POFUT4: variants seen among roughly 807,000 people sequenced by gnomAD.
POFUT4 encodes the protein GDP-fucose protein O-fucosyltransferase 4.
chr10:73,772,531 G>A, the POFUT4 span: 1 of 1,567,256 alleles, frequency 6.4e-7, no homozygotes, highest in Non-Finnish European at 8.6e-7. Context: ...GGACGCCGCG[G>A]CCAGGGAGGG....
chr10:73,774,046 G>A, the POFUT4 span: 2 of 513,748 alleles, frequency 3.9e-6, no homozygotes, highest in South Asian at 6.2e-5. Flanking sequence ...TGTGAACAAT[G>A]TTTCCAGTAG....
chr10:73,772,620 T>G, the POFUT4 span: 1 of 1,561,520 alleles, frequency 6.4e-7, no homozygotes, highest in Middle Eastern at 1.7e-4. Context: ...TCGGAGCGCA[T>G]CGAGTGTGCG....
chr10:73,772,641 G>A, the POFUT4 span: 2 of 1,556,034 alleles, frequency 1.3e-6, no homozygotes, highest in East Asian at 4.8e-5. Flanking sequence ...CGCGGCGCGT[G>A]CGTGGCGTCC....
the POFUT4 span, chr10:73,776,148 C>T: frequency 6.5e-6 from 1 of 153,678 alleles, no homozygotes; most frequent in African/African-American, 2.4e-5. Flanking sequence ...GGTGGAGAAG[C>T]AAAACATTTG....
At chr10:73,778,401 A>G in the POFUT4 span, among the ~76,000 whole-genome samples, 1 of 151,108 alleles carries the variant, frequency 6.6e-6, no homozygotes, top group East Asian at 2.0e-4. Context: ...CAAAAAAAAA[A>G]AAAAAAAAAA....
the POFUT4 span, chr10:73,774,992 A>C: frequency 5.5e-6 from 1 of 181,816 alleles, no homozygotes; most frequent in Non-Finnish European, 1.2e-5. Flanking sequence ...GATGGTTGGA[A>C]TCCTTCACCA....
At chr10:73,772,960 G>A in the POFUT4 span, 1 of 1,605,340 alleles carries the variant, frequency 6.2e-7, no homozygotes, top group South Asian at 1.1e-5. Context: ...GCGGCTACGC[G>A]CCGCTGCTCT....
chr10:73,773,546 A>G, the POFUT4 span: 2 of 1,614,268 alleles, frequency 1.2e-6, no homozygotes, highest in African/African-American at 1.3e-5. Context: ...CATACAAGCA[A>G]CCTGGGGGCA....
At chr10:73,773,357 A>T in the POFUT4 span, 1 of 1,613,928 alleles carries the variant, frequency 6.2e-7, no homozygotes, top group Non-Finnish European at 8.5e-7. Flanking sequence ...TGACAGAAAA[A>T]CTGTGGCGTC....
the POFUT4 span, chr10:73,772,399 C>A: frequency 6.4e-7 from 1 of 1,568,314 alleles, no homozygotes; most frequent in South Asian, 1.2e-5. Flanking sequence ...GTGCAGCCAG[C>A]GGCCATGGGT....
the POFUT4 span, chr10:73,772,288 G>C: frequency 7.3e-7 from 1 of 1,372,966 alleles, no homozygotes; most frequent in East Asian, 3.0e-5. Context: ...CTATCCGCTG[G>C]GCGGGGTCGG....
At chr10:73,778,645 T>C in the POFUT4 span, among the ~76,000 whole-genome samples, 6 of 151,986 alleles carry the variant, frequency 3.9e-5, no homozygotes, top group Admixed American at 1.3e-4. Flanking sequence ...GATAGATATA[T>C]GTTAGATGCT....
chr10:73,773,130 TCCAGGTGTC>T, the POFUT4 span: 3 of 715,766 alleles, frequency 4.2e-6, no homozygotes, highest in South Asian at 5.6e-5. Context: ...TGTCCAGGAC[TCCAGGTGTC>T]CAGGCCTCCA....
the POFUT4 span, chr10:73,772,905 GCCGCCCGGTGCCT>G: frequency 6.2e-7 from 1 of 1,611,272 alleles, no homozygotes; most frequent in South Asian, 1.1e-5. Context: ...GCCTATCTGC[GCCGCCCGGTGCCT>G]CCGCCCATGG....
At chr10:73,773,824 G>A in the POFUT4 span, 2 of 1,550,320 alleles carry the variant, frequency 1.3e-6, no homozygotes, top group Non-Finnish European at 1.7e-6. Context: ...AGGTAAGAGT[G>A]CTGGGGTCCC....
chr10:73,776,123 A>G, the POFUT4 span: 1 of 155,742 alleles, frequency 6.4e-6, no homozygotes, highest in Admixed American at 6.4e-5. Context: ...CTCTTGCTTT[A>G]TAAATTGTTA....
chr10:73,774,084 A>G, the POFUT4 span: 5 of 435,080 alleles, frequency 1.1e-5, no homozygotes, highest in African/African-American at 6.0e-5. Context: ...ACCAGAGTAC[A>G]GGGCCTGTGC....
chr10:73,775,385 A>G, the POFUT4 span: 4 of 1,592,654 alleles, frequency 2.5e-6, no homozygotes, highest in Non-Finnish European at 3.4e-6. Flanking sequence ...TTGGGCTTAT[A>G]TTGGATTTAC....
chr10:73,773,691 G>A, the POFUT4 span: 4 of 1,614,226 alleles, frequency 2.5e-6, no homozygotes, highest in Non-Finnish European at 3.4e-6. Flanking sequence ...TGCCGAGAAA[G>A]CCCACGCGGC....
Sources: allele counts gnomAD v4.1 joint callset (sites outside exome capture counted in the v4.1 genomes callset), GRCh38; gene constraint gnomAD v4.1.1; transcripts MANE v1.5; gene names NCBI Gene and HGNC (gene_info 2026-07-23, HGNC 2026-07-21).